The following HERC6 variants were observed in gnomAD, a reference collection of about 807,000 sequenced individuals.
HERC6 encodes probable E3 ubiquitin-protein ligase HERC6.
In HERC6, 101 loss-of-function variants were observed where a neutral mutation model predicts 114.5. The observed-to-expected ratio is 0.88, with a 90% CI of 0.75 to 1.04. The LOEUF is 1.04. HERC6 is among the 50% of genes least tolerant of loss of function. The pLI is 0.00. For missense variants in HERC6, 1,133 were observed against 1,230.9 expected, an observed-to-expected ratio of 0.92 and a Z score of 1.19; for synonymous variants, 408 against 436.2, an observed-to-expected ratio of 0.94 and a Z score of 0.81.
At chr4:88,436,146 A>T (rs1738710422) in intron 18 of HERC6, among the ~76,000 whole-genome samples, 1 of 152,178 alleles carries the variant, frequency 6.6e-6, no homozygotes, top group Admixed American at 6.6e-5. Flanking sequence ...TCCAGGTGGA[A>T]ACAGTTGCTT....
At chr4:88,438,329 G>T (rs1738978655) in intron 20 of HERC6, among the ~76,000 whole-genome samples, 1 of 152,102 alleles carries the variant, frequency 6.6e-6, no homozygotes, top group South Asian at 2.1e-4. Context: ...TATTCTAGGT[G>T]CTGGAGATAC....
chr4:88,428,527 G>C, intron 15 of HERC6, 53 bp from the exon 16 acceptor site: 1 of 1,376,234 alleles, frequency 7.3e-7, no homozygotes, highest in Non-Finnish European at 9.8e-7. Context: ...AACAATCCTT[G>C]GGATTCCTAT....
At position 88,385,509 on chromosome 4, in the gene HERC6, ACT is replaced by A; in HGVS notation, c.373_374del (p.Leu125GlufsTer2). On this transcript the variant is annotated frameshift_variant, in exon 3 of 23. Coordinates refer to ENST00000264346, the MANE Select transcript of HERC6 (RefSeq NM_017912.4). LOFTEE classifies it high-confidence loss of function. Reference sequence around the variant, plus strand: ...TTATTTGTATTATAGGAAAATAATGACTCTGAATGATATAAAAATAATACAAG... The same window carrying A: ...TTATTTGTATTATAGGAAAATAATGACTGAATGATATAAAAATAATACAAG... ...EISFTPKKIM[T>X]LNDIKIIQVS... The A allele has an allele frequency of 6.9e-7, 1 of 1,439,734 alleles. No homozygotes were observed. Among genetic ancestry groups the A allele is most frequent in the South Asian group, 1.3e-5 (1 of 76,580 alleles). 89.2% of individuals were successfully genotyped at this position (1,439,734 alleles called of 1,614,324 possible).
Position 88,421,758 on chromosome 4 carries a change from T to G in HERC6, c.1714-2102T>G, listed in dbSNP as rs141204910. ...ACCGCACCCGACCACTTTTCCACATTCTTGCCAACACTTGTTATTATCTGT... is the reference window on the plus strand; with the variant it reads ...ACCGCACCCGACCACTTTTCCACATGCTTGCCAACACTTGTTATTATCTGT... On this transcript the variant is annotated intron_variant, in intron 13 of 22. Transcript: ENST00000264346. Among the ~76,000 whole-genome samples, 10 of 152,278 alleles carry G rather than the reference T, an allele frequency of 6.6e-5. No individual in the cohort carries two copies. The East Asian group carries it at 1.9e-3, about 29-fold the overall frequency.
At chr4:88,399,919 A>G (rs1287294726) in intron 8 of HERC6, 3 of 152,236 alleles carry the variant, frequency 2.0e-5, no homozygotes, top group African/African-American at 7.2e-5. Flanking sequence ...GATTTTAGCC[A>G]TGCTTAGGTC....
At chr4:88,412,629 A>C (rs557343811) in intron 11 of HERC6, among the ~76,000 whole-genome samples, 2 of 152,324 alleles carry the variant, frequency 1.3e-5, no homozygotes, top group South Asian at 2.1e-4. Context: ...AAATAATATA[A>C]AAATTTAGAG....
chr4:88,430,609 T>TAAAA lies in HERC6; in HGVS notation c.2107-551_2107-548dup, dbSNP rs967285533. Reference sequence around the variant, plus strand: ...ATAAATAAATAAATAAATAAATAAATAAAAAGAGGGACTGGTTAATGCTGA... The same window carrying TAAAA: ...ATAAATAAATAAATAAATAAATAAATAAAAAAAAAGAGGGACTGGTTAATGCTGA... On this transcript the variant is annotated intron_variant, in intron 16 of 22. Coordinates refer to ENST00000264346, the MANE Select transcript of HERC6 (RefSeq NM_017912.4). 1.2e-4 allele frequency among the ~76,000 whole-genome samples: 18 copies of TAAAA among 151,112 alleles called. No homozygotes were observed. In the East Asian group the frequency reaches 1.4e-3, roughly 11 times the overall value.
At chr4:88,418,851 G>A (rs994248829) in intron 13 of HERC6, among the ~76,000 whole-genome samples, 4 of 151,824 alleles carry the variant, frequency 2.6e-5, no homozygotes, top group African/African-American at 9.7e-5. Flanking sequence ...CTCAGCCTCC[G>A]GAATAGCTGG....
chr4:88,435,671 C>A, intron 17 of HERC6, 54 bp from the exon 18 acceptor site: 1 of 1,187,476 alleles, frequency 8.4e-7, no homozygotes, highest in South Asian at 2.7e-5. Flanking sequence ...CTAATTATCC[C>A]TTTGTATTAC....
In HERC6 at chr4:88,379,006, G is replaced by A; in HGVS notation, c.85G>A (p.Ala29Thr). ...GSPGAELLQAASGERHSLLLL... is the reference protein window; with the variant it reads ...GSPGAELLQATSGERHSLLLL... Reference sequence around the variant, plus strand: ...CCCCGGGGCTGAGCTACTGCAGGCGGCCAGCGGGGAGCGCCACTCTCTGCT... The same window carrying A: ...CCCCGGGGCTGAGCTACTGCAGGCGACCAGCGGGGAGCGCCACTCTCTGCT... Residue 29 changes from alanine to threonine, a missense_variant, in exon 1 of 23, where the codon GCC becomes ACC. By Grantham distance (58) the Ala-to-Thr change is moderately conservative. Coordinates refer to ENST00000264346, the MANE Select transcript of HERC6 (RefSeq NM_017912.4). 2 of 1,572,464 alleles carry A rather than the reference G, an allele frequency of 1.3e-6. No homozygotes were observed. Among genetic ancestry groups the A allele is most frequent in the Admixed American group, 1.9e-5 (1 of 54,038 alleles).
rs369147395 is a variant in HERC6, at chr4:88,383,204, T to C, written c.200-17T>C. The C allele has an allele frequency of 1.1e-5, 17 of 1,607,128 alleles. No homozygotes were observed. Among genetic ancestry groups the C allele is most frequent in the East Asian group, 2.2e-5 (1 of 44,724 alleles). On this transcript the variant is annotated splice_polypyrimidine_tract_variant and intron_variant, in intron 1 of 22. Transcript: ENST00000264346. Reference sequence around the variant, plus strand: ...CTGCAGTGGTGGTTGGGGGGTGTTTTGTTTTGTTTCCCAAAGAACCAATTC... The same window carrying C: ...CTGCAGTGGTGGTTGGGGGGTGTTTCGTTTTGTTTCCCAAAGAACCAATTC...
intron 5 of HERC6, among the ~76,000 whole-genome samples, chr4:88,395,413 T>A (rs1735176207): frequency 6.6e-6 from 1 of 152,156 alleles, no homozygotes. Context: ...AATTCTTTCT[T>A]TTTCCAGCTT....
chr4:88,435,691 A>C, intron 17 of HERC6, 34 bp from the exon 18 acceptor site: 1 of 1,344,408 alleles, frequency 7.4e-7, no homozygotes, highest in Non-Finnish European at 9.8e-7. Flanking sequence ...CTAATTATTT[A>C]TAATACCTTA....
intron 15 of HERC6, among the ~76,000 whole-genome samples, chr4:88,426,184 T>C (rs1248527117): frequency 6.6e-6 from 1 of 152,176 alleles, no homozygotes; most frequent in Non-Finnish European, 1.5e-5. Flanking sequence ...TATTATTATT[T>C]TGAGACAGAG....
In HERC6 at chr4:88,439,971, A is replaced by G. The variant is rs1739179086; in HGVS notation, c.2653A>G (p.Lys885Glu). Residue 885 changes from lysine to glutamate, a missense_variant, in exon 21 of 23, where the codon AAG (lysine) becomes GAG (glutamate). By Grantham distance (56) the Lys-to-Glu change is moderately conservative (BLOSUM62 1). Coordinates refer to ENST00000264346, the MANE Select transcript of HERC6 (RefSeq NM_017912.4). ...GAGAGGATTTTATAGAGTCTGTGAG[A>G]AGGAGATACTTAGACATTTCTACCC... The part of the protein sequence containing the change: ...FQRGFYRVCE[K>E]EILRHFYPEE... 3 of 1,612,076 alleles carry G rather than the reference A, an allele frequency of 1.9e-6. No homozygotes were observed. The highest frequency in any genetic ancestry group is 2.5e-6 in the Non-Finnish European group (3 of 1,179,400).
At chr4:88,402,863 G>A (rs1262800839) in intron 8 of HERC6, among the ~76,000 whole-genome samples, 1 of 152,116 alleles carries the variant, frequency 6.6e-6, no homozygotes, top group Admixed American at 6.5e-5. Context: ...GGGATGTGGG[G>A]GGAAAAACTC....
intron 13 of HERC6, among the ~76,000 whole-genome samples, chr4:88,419,293 T>C (rs1486462891): frequency 6.6e-6 from 1 of 152,180 alleles, no homozygotes; most frequent in Non-Finnish European, 1.5e-5. Context: ...TCTGTTTTAG[T>C]AGAGTTACCT....
At chr4:88,432,352 T>C (rs900923588) in intron 17 of HERC6, among the ~76,000 whole-genome samples, 1 of 150,642 alleles carries the variant, frequency 6.6e-6, no homozygotes, top group Admixed American at 6.6e-5. Flanking sequence ...GCCTTTCACA[T>C]AGGGATACTG....
chr4:88,413,217 A>T lies in HERC6; in HGVS notation c.1509A>T (p.Pro503=), dbSNP rs370896373. 6.8e-6 allele frequency: 11 copies of T among 1,613,318 alleles called. No individual in the cohort carries two copies. The highest frequency in any genetic ancestry group is 9.3e-6 in the Non-Finnish European group (11 of 1,179,618). The change falls in exon 12 of 23, where the codon CCA becomes CCT. Residue 503 remains proline (P), a synonymous_variant. Transcript: ENST00000264346. The part of the protein sequence containing the change: ...DSKNWKNLVV[P]FAKAVCEMSK... ...AGAACTGGAAGAACCTGGTGGTTCC[A>T]TTTGCAAAGGCTGTGTGTGAAATGA...
Sources: allele counts gnomAD v4.1 joint callset (sites outside exome capture counted in the v4.1 genomes callset), GRCh38; gene constraint gnomAD v4.1.1; transcripts MANE v1.5; gene names NCBI Gene and HGNC (gene_info 2026-07-23, HGNC 2026-07-21).